The following ZNF133 variants were observed in gnomAD, a reference collection of about 807,000 sequenced individuals.
ZNF133 encodes zinc finger protein 133.
Under a neutral mutation model 54.9 loss-of-function variants are expected in ZNF133, and 26 were observed. The ratio of observed to expected loss-of-function variants is 0.47; its 90% CI spans 0.35 to 0.66. The LOEUF is 0.66. Ranked by LOEUF, ZNF133 falls within the 30% of genes least tolerant of loss-of-function variation. The probability of loss-of-function intolerance (pLI) is 0.01; values close to 1 mark genes in which losing one functional copy is unlikely to be tolerated. For synonymous variants in ZNF133, 298 were observed against 320.3 expected, an observed-to-expected ratio of 0.93 and a Z score of 0.74; for missense variants, 653 against 820.8, an observed-to-expected ratio of 0.80 and a Z score of 2.50.
chr20:18,312,883 T>C (rs1160295047), intron 6 of ZNF133: 2 of 152,290 alleles, frequency 1.3e-5, no homozygotes, highest in East Asian at 3.9e-4. Context: ...CTAATTTTTA[T>C]ATTTTTAGAA....
In ZNF133 at chr20:18,316,429, G is replaced by A. The variant is rs752472754; in HGVS notation, c.1578G>A (p.Glu526=). The A allele has an allele frequency of 6.2e-7, 1 of 1,614,094 alleles. No individual in the cohort carries two copies. Among genetic ancestry groups the A allele is most frequent in the African/African-American group, 1.3e-5 (1 of 74,940 alleles). ...HSGERPYVCR[E]CGRGFSHQAG... The stretch of plus-strand genomic sequence containing the variant: ...GGGAGAGGCCGTATGTGTGCCGAGA[G>A]TGCGGGCGAGGCTTTAGCCACCAGG... Residue 526 remains glutamate, a synonymous_variant, in exon 7 of 7, where the codon GAG becomes GAA. Transcript: ENST00000425686.
In ZNF133 at chr20:18,316,826, T is replaced by C. The variant is rs1362272775; in HGVS notation, c.*10T>C. On this transcript the variant is annotated 3_prime_UTR_variant, in exon 7 of 7. Coordinates refer to ENST00000425686, the MANE Select transcript of ZNF133 (RefSeq NM_001352452.2). ...CTTATACTCTCTCTGAAGGCAAAGA[T>C]GGGGACAAGGACTAAGAGTCAGAAT... is the stretch of plus-strand genomic sequence containing the variant. The C allele has an allele frequency of 1.3e-6, 2 of 1,594,446 alleles. No individual in the cohort carries two copies. Among genetic ancestry groups the C allele is most frequent in the African/African-American group, 2.7e-5 (2 of 74,568 alleles).
At position 18,315,715 on chromosome 20, in the gene ZNF133, C is replaced by T. The variant is rs753594440; in HGVS notation, c.864C>T (p.His288=). The change falls in exon 7 of 7, where the codon CAC becomes CAT. Residue 288 remains histidine (H), a synonymous_variant. Transcript: ENST00000425686. ...GFNRKSTLII[H]ERTHSGEKPY... ...ACCGGAAGTCAACGCTAATCATACACGAACGGACACACTCCGGTGAGAAAC... is the reference window on the plus strand; with the variant it reads ...ACCGGAAGTCAACGCTAATCATACATGAACGGACACACTCCGGTGAGAAAC... 3.3e-5 allele frequency: 53 copies of T among 1,613,688 alleles called. No individual in the cohort carries two copies. Among genetic ancestry groups the T allele is most frequent in the Admixed American group, 1.8e-4 (11 of 59,988 alleles).
intron 2 of ZNF133, 99 bp from the exon 3 acceptor site, chr20:18,298,190 C>G: frequency 6.6e-7 from 1 of 1,513,846 alleles, no homozygotes; most frequent in African/African-American, 1.4e-5. Context: ...CCTGCCTCAG[C>G]ATCACTTTCT....
Position 18,316,910 on chromosome 20 carries a change from T to C in ZNF133, c.*94T>C. ...CATTCTGTAAGTGGTCAAAGGACATTTGACTGTTTACTTTCTCCACACTAA... is the reference window on the plus strand; with the variant it reads ...CATTCTGTAAGTGGTCAAAGGACATCTGACTGTTTACTTTCTCCACACTAA... On this transcript the variant is annotated 3_prime_UTR_variant, in exon 7 of 7. Coordinates refer to ENST00000425686, the MANE Select transcript of ZNF133 (RefSeq NM_001352452.2). The C allele has an allele frequency of 7.0e-7, 1 of 1,419,832 alleles. No individual in the cohort carries two copies. The highest frequency in any genetic ancestry group is 9.4e-7 in the Non-Finnish European group (1 of 1,064,996). 88.0% of individuals were successfully genotyped at this position (1,419,832 alleles called of 1,614,324 possible).
intron 3 of ZNF133, among the ~76,000 whole-genome samples, chr20:18,300,781 T>C (rs2043202276): frequency 6.6e-6 from 1 of 152,070 alleles, no homozygotes; most frequent in Non-Finnish European, 1.5e-5. Flanking sequence ...TATACACATA[T>C]ACCTCATAAC....
chr20:18,306,008 T>C (rs2147459058), intron 5 of ZNF133, among the ~76,000 whole-genome samples: 1 of 152,334 alleles, frequency 6.6e-6, no homozygotes, highest in Middle Eastern at 3.4e-3. Flanking sequence ...ATGTGTATTG[T>C]GTGTGCTACT....
In ZNF133 at chr20:18,316,800, C is replaced by G; in HGVS notation, c.1949C>G (p.Ser650Cys). ...CCGTGTGCAGGGCAACCTTCGGATT[C>G]CTTATACTCTCTCTGAAGGCAAAGA... ...PEPCAGQPSD[S>C]LYSL is the part of the protein sequence containing the mutation. Residue 650 changes from serine (S) to cysteine (C), a missense_variant, in exon 7 of 7, where the codon TCC (serine) becomes TGC (cysteine). Ser to Cys is a moderately radical substitution (Grantham distance 112). Transcript: ENST00000425686. The G allele has an allele frequency of 6.2e-7, 1 of 1,607,718 alleles. No homozygotes were observed. The highest frequency in any genetic ancestry group is 8.5e-7 in the Non-Finnish European group (1 of 1,176,108).
At chr20:18,288,797 G>A (rs372830328) in intron 1 of ZNF133, among the ~76,000 whole-genome samples, 193 bp downstream of exon 1, 21 of 152,284 alleles carry the variant, frequency 1.4e-4, no homozygotes, top group East Asian at 1.4e-3. Flanking sequence ...GGGTGTGGGC[G>A]TGCATCTCCA....
At chr20:18,295,571 A>G (rs1452793399) in intron 1 of ZNF133, 1 of 152,176 alleles carries the variant, frequency 6.6e-6, no homozygotes, top group South Asian at 2.1e-4. Context: ...TCATTAATTT[A>G]TGCTTTCATC....
intron 1 of ZNF133, among the ~76,000 whole-genome samples, chr20:18,289,087 A>G (rs2040298940): frequency 6.6e-6 from 1 of 151,938 alleles, no homozygotes; most frequent in South Asian, 2.1e-4. Flanking sequence ...TTGGGGCCAC[A>G]CTATTCTTCG....
chr20:18,305,564 G>A lies in ZNF133; in HGVS notation c.-6-117G>A. The A allele has an allele frequency of 6.9e-7, 1 of 1,449,896 alleles. No individual in the cohort carries two copies. The highest frequency in any genetic ancestry group is 9.5e-7 in the Non-Finnish European group (1 of 1,053,768). The allele number at this position is 1,449,896 out of a possible 1,614,324, so 89.8% of individuals were successfully genotyped here. On this transcript the variant is annotated intron_variant, in intron 4 of 6. Coordinates refer to ENST00000425686, the MANE Select transcript of ZNF133 (RefSeq NM_001352452.2). The surrounding 1 kb of genome is among the most constrained non-coding windows in gnomAD (Gnocchi z 4.7). ...AAAGTCTTGGAACACATGGCACCAGGGTCACTGGGATCTTGATATCTCACC... is the reference window on the plus strand; with the variant it reads ...AAAGTCTTGGAACACATGGCACCAGAGTCACTGGGATCTTGATATCTCACC...
chr20:18,310,822 G>A (rs1295800026), intron 6 of ZNF133, among the ~76,000 whole-genome samples: 4 of 152,082 alleles, frequency 2.6e-5, no homozygotes, highest in South Asian at 2.1e-4. Context: ...GCTCAATTTA[G>A]CCATGTCACA....
At chr20:18,298,953 A>G (rs2042797152) in intron 3 of ZNF133, among the ~76,000 whole-genome samples, 1 of 152,176 alleles carries the variant, frequency 6.6e-6, no homozygotes, top group Non-Finnish European at 1.5e-5. Flanking sequence ...CTACATCAAT[A>G]TTAAAAACAA....
chr20:18,292,064 A>G (rs1330360973), intron 1 of ZNF133, among the ~76,000 whole-genome samples: 1 of 152,060 alleles, frequency 6.6e-6, no homozygotes, highest in Non-Finnish European at 1.5e-5. Context: ...TCTTGCTCTT[A>G]TACCCTCATC....
chr20:18,293,295 G>T (rs529297343), intron 1 of ZNF133, among the ~76,000 whole-genome samples: 4 of 152,230 alleles, frequency 2.6e-5, no homozygotes, highest in Non-Finnish European at 5.9e-5. Context: ...GTTGGAACAT[G>T]CAAGATGGTT....
At chr20:18,308,105 A>G (rs1344362590) in intron 6 of ZNF133, among the ~76,000 whole-genome samples, 1 of 152,074 alleles carries the variant, frequency 6.6e-6, no homozygotes, top group Non-Finnish European at 1.5e-5. Context: ...AGAATTGGGG[A>G]GGGTTGGACA....
chr20:18,289,098 G>C (rs1406349608), intron 1 of ZNF133, among the ~76,000 whole-genome samples: 1 of 150,718 alleles, frequency 6.6e-6, no homozygotes, highest in Non-Finnish European at 1.5e-5. Context: ...CTATTCTTCG[G>C]CTTTGCTGGA....
Position 18,316,349 on chromosome 20 carries a change from G to A in ZNF133, c.1498G>A (p.Gly500Arg), listed in dbSNP as rs781132133. ...GAAGCCCATGGTGTGTGGGGAGTGC[G>A]GGCGAGGCTTCAGCCAGAAGTCAAA... ...GEKPMVCGEC[G>R]RGFSQKSNLV... Residue 500 changes from glycine to arginine, a missense_variant, in exon 7 of 7, where the codon GGG becomes AGG. By Grantham distance (125) the Gly-to-Arg change is moderately radical. Coordinates refer to ENST00000425686, the MANE Select transcript of ZNF133 (RefSeq NM_001352452.2). 8.7e-6 allele frequency: 14 copies of A among 1,613,936 alleles called. No individual in the cohort carries two copies. Among genetic ancestry groups the A allele is most frequent in the South Asian group, 5.5e-5 (5 of 91,080 alleles).
Sources: allele counts gnomAD v4.1 joint callset (sites outside exome capture counted in the v4.1 genomes callset), GRCh38; gene constraint gnomAD v4.1.1; non-coding constraint Gnocchi (gnomAD v3.1); transcripts MANE v1.5; gene names NCBI Gene and HGNC (gene_info 2026-07-23, HGNC 2026-07-21).